Variants in CRYBG1 observed in about 807,000 individuals in gnomAD.
CRYBG1 encodes beta/gamma crystallin domain-containing protein 1.
In CRYBG1, 139 loss-of-function variants were observed where a neutral mutation model predicts 189.2. The ratio of observed to expected loss-of-function variants is 0.73; its 90% CI spans 0.64 to 0.85. The LOEUF is 0.85. Among genes scored for constraint, CRYBG1 ranks in the 40% least tolerant of loss-of-function variants. The probability of loss-of-function intolerance (pLI) is 0.00; values close to 1 mark genes in which losing one functional copy is unlikely to be tolerated. For missense variants in CRYBG1, 2,611 were observed against 2,675.8 expected (o/e 0.98, Z 0.53); for synonymous variants, 1,023 against 1,017.1 (o/e 1.01, Z -0.11).
intron 1 of CRYBG1, among the ~76,000 whole-genome samples, chr6:106,404,908 G>A (rs975294365): frequency 1.3e-5 from 2 of 152,046 alleles, no homozygotes; most frequent in Non-Finnish European, 2.9e-5. Flanking sequence ...ATTCCTTCGT[G>A]TGCCTACACC....
At chr6:106,453,768 C>T (rs1003101948) in intron 2 of CRYBG1, among the ~76,000 whole-genome samples, 1 of 152,202 alleles carries the variant, frequency 6.6e-6, no homozygotes, top group African/African-American at 2.4e-5. Flanking sequence ...TTGCAAAAAG[C>T]TCTGGGCATT....
chr6:106,360,992 C>T lies in CRYBG1; in HGVS notation c.84C>T (p.Leu28=). 6.5e-7 allele frequency: 1 copy of T among 1,535,302 alleles called. No individual in the cohort carries two copies. The highest frequency in any genetic ancestry group is 8.7e-7 in the Non-Finnish European group (1 of 1,146,618). ...RPPKKHTTFH[L]WRSKKKQQPA... ...CTAAGAAGCACACCACCTTCCACCT[C>T]TGGCGCTCCAAAAAGAAGCAGCAGC... Residue 28 remains leucine (L), a synonymous_variant, in exon 1 of 22, where the codon CTC becomes CTT. Coordinates refer to ENST00000633556, the MANE Select transcript of CRYBG1 (RefSeq NM_001371242.2).
chr6:106,446,446 C>T (rs1771665598), intron 1 of CRYBG1, among the ~76,000 whole-genome samples: 1 of 152,122 alleles, frequency 6.6e-6, no homozygotes, highest in South Asian at 2.1e-4. Context: ...CAGTTGAACA[C>T]AGTAATAATT....
intron 1 of CRYBG1, among the ~76,000 whole-genome samples, chr6:106,431,683 A>T (rs1272628804): frequency 6.6e-6 from 1 of 152,164 alleles, no homozygotes; most frequent in East Asian, 1.9e-4. Flanking sequence ...AAATGGCCAC[A>T]CTGTTTTGTA....
At chr6:106,509,566 C>T (rs1435534201) in intron 2 of CRYBG1, among the ~76,000 whole-genome samples, 1 of 152,172 alleles carries the variant, frequency 6.6e-6, no homozygotes, top group East Asian at 1.9e-4. Context: ...AAGCGCCCAC[C>T]AGGCGCTTCT....
intron 13 of CRYBG1, among the ~76,000 whole-genome samples, chr6:106,547,540 A>G (rs1019955920): frequency 2.0e-5 from 3 of 152,222 alleles, no homozygotes; most frequent in Non-Finnish European, 2.9e-5. Context: ...ATGAGCCAAG[A>G]TGATGGAGGA....
chr6:106,361,114 C>T, intron 1 of CRYBG1, 33 bp downstream of exon 1: 1 of 1,468,948 alleles, frequency 6.8e-7, no homozygotes, highest in Non-Finnish European at 9.1e-7. Flanking sequence ...CCAGTCCCAC[C>T]TCCTCCTCCT....
chr6:106,441,737 A>G (rs1432238314), intron 1 of CRYBG1, among the ~76,000 whole-genome samples: 2 of 152,204 alleles, frequency 1.3e-5, no homozygotes, highest in African/African-American at 4.8e-5. Flanking sequence ...ATTATGAATT[A>G]TGTACTAATT....
Position 106,533,257 on chromosome 6 carries a change from C to A in CRYBG1, c.4718+2942C>A, listed in dbSNP as rs79973240. Among the ~76,000 whole-genome samples the A allele has an allele frequency of 9.5e-3, 1,443 of 152,290 alleles. 59 individuals carry two copies. The highest frequency in any genetic ancestry group is 0.063 in the Admixed American group (960 of 15,294). ...GGGAGCCTGTCCCAGAGAGGAAGCACACCATTTGCAAAAGCCCTTCTGGGC... is the reference window on the plus strand; with the variant it reads ...GGGAGCCTGTCCCAGAGAGGAAGCAAACCATTTGCAAAAGCCCTTCTGGGC... On this transcript the variant is annotated intron_variant, in intron 8 of 21. Transcript: ENST00000633556.
At chr6:106,510,080 C>G (rs1394915017) in intron 2 of CRYBG1, among the ~76,000 whole-genome samples, 4 of 152,212 alleles carry the variant, frequency 2.6e-5, no homozygotes, top group Non-Finnish European at 5.9e-5. Flanking sequence ...CGGTACTGTC[C>G]TGAATGTTCC....
intron 2 of CRYBG1, among the ~76,000 whole-genome samples, chr6:106,475,606 C>T (rs1303494673): frequency 2.6e-5 from 4 of 152,050 alleles, no homozygotes; most frequent in Non-Finnish European, 2.9e-5. Context: ...ACGGTCTGTG[C>T]GGGTACATAA....
intron 1 of CRYBG1, among the ~76,000 whole-genome samples, chr6:106,405,597 C>T (rs917996025): frequency 3.9e-5 from 6 of 152,246 alleles, no homozygotes; most frequent in Non-Finnish European, 8.8e-5. Flanking sequence ...AGGGAGACAC[C>T]TTCCCGCAGG....
At chr6:106,417,574 G>A (rs185279406) in intron 1 of CRYBG1, among the ~76,000 whole-genome samples, 26 of 152,356 alleles carry the variant, frequency 1.7e-4, no homozygotes, top group African/African-American at 3.8e-4. Context: ...CTTGCTCTCC[G>A]CTTTATCTTC....
intron 1 of CRYBG1, among the ~76,000 whole-genome samples, chr6:106,379,947 T>C (rs536629626): frequency 6.6e-6 from 1 of 152,334 alleles, no homozygotes; most frequent in South Asian, 2.1e-4. Context: ...ATAAATTCTA[T>C]ATGTAGAAAA....
chr6:106,523,517 A>G (rs1773657150), intron 4 of CRYBG1, among the ~76,000 whole-genome samples: 1 of 152,130 alleles, frequency 6.6e-6, no homozygotes, highest in South Asian at 2.1e-4. Context: ...TAAAATCTTT[A>G]TACTTTTTCT....
intron 2 of CRYBG1, among the ~76,000 whole-genome samples, chr6:106,483,402 A>ATATATATATGTATATATATATAT: frequency 1.1e-5 from 1 of 88,434 alleles, no homozygotes; most frequent in Non-Finnish European, 2.9e-5. Context: ...ATATATATAT[A>ATATATATATGTATATATATATAT]AAACATTTTC....
At position 106,520,841 on chromosome 6, in the gene CRYBG1, T is replaced by C. The variant is rs1582815053; in HGVS notation, c.3633T>C (p.Ser1211=). The change falls in exon 4 of 22, where the codon AGT becomes AGC. Residue 1211 remains serine, a synonymous_variant. Transcript: ENST00000633556. ...KSLHTNTNGN[S]EPLVMPEIND... is the part of the protein sequence containing the mutation. ...TGCACACCAACACTAATGGGAACAG[T>C]GAGCCTCTGGTGATGCCGGAAATCA... The C allele has an allele frequency of 1.2e-6, 2 of 1,614,120 alleles. No homozygotes were observed.
At chr6:106,556,732 C>T (rs1475708040) in intron 17 of CRYBG1, among the ~76,000 whole-genome samples, 1 of 152,116 alleles carries the variant, frequency 6.6e-6, no homozygotes, top group Non-Finnish European at 1.5e-5. Flanking sequence ...CACGTAATTG[C>T]TCATTTTAGT....
At chr6:106,469,533 GATTTT>G (rs908952169) in intron 2 of CRYBG1, among the ~76,000 whole-genome samples, 1 of 152,102 alleles carries the variant, frequency 6.6e-6, no homozygotes, top group African/African-American at 2.4e-5. Context: ...TTTCCTTAAT[GATTTT>G]ATTTCTCAAG....
Sources: allele counts gnomAD v4.1 joint callset (sites outside exome capture counted in the v4.1 genomes callset), GRCh38; gene constraint gnomAD v4.1.1; transcripts MANE v1.5; gene names NCBI Gene and HGNC (gene_info 2026-07-23, HGNC 2026-07-21).